MDN1: variants seen among roughly 807,000 people sequenced by gnomAD.
MDN1 encodes midasin.
A neutral mutation model predicts 669.2 loss-of-function variants in MDN1; 266 were observed. The ratio of observed to expected loss-of-function variants is 0.40; its 90% confidence interval spans 0.36 to 0.44. MDN1 has a LOEUF of 0.44. Ranked by LOEUF, MDN1 falls within the 20% of genes least tolerant of loss-of-function variation. The pLI, the probability that MDN1 is intolerant of heterozygous loss-of-function variation, is 1.00. For synonymous variants in MDN1, 2,385 were observed against 2,457.1 expected (o/e 0.97, Z 0.87); for missense variants, 5,940 against 6,754.0 (o/e 0.88, Z 4.22).
intron 85 of MDN1, among the ~76,000 whole-genome samples, chr6:89,663,986 G>A (rs1019111020): frequency 1.3e-5 from 2 of 151,020 alleles, no homozygotes; most frequent in Non-Finnish European, 2.9e-5. Context: ...ACTACAGAAC[G>A]GTATATGGTT....
chr6:89,776,135 G>A (rs1818343160), intron 12 of MDN1, among the ~76,000 whole-genome samples: 1 of 152,188 alleles, frequency 6.6e-6, no homozygotes, highest in South Asian at 2.1e-4. Context: ...AAACACTGAA[G>A]ACGACACAGG....
rs74503801 is a variant in MDN1 at position 89,737,627 on chromosome 6, T to C, written c.4723+699A>G. Among the ~76,000 whole-genome samples the C allele has an allele frequency of 3.7e-4, 57 of 152,188 alleles. 1 individual carries two copies. In the East Asian group the frequency reaches 0.01, roughly 28 times the overall value. On this transcript the variant is annotated intron_variant, in intron 33 of 101. Transcript: ENST00000369393. ...GATACTAATCTATTTTCCTTGTGCC[T>C]GAGATTTTTCATAATAAAAATTATT...
At chr6:89,791,593 C>T (rs555727916) in intron 5 of MDN1, among the ~76,000 whole-genome samples, 3 of 151,986 alleles carry the variant, frequency 2.0e-5, no homozygotes, top group East Asian at 3.9e-4. Context: ...GGAATATGTG[C>T]GACATTTTCT....
At chr6:89,802,136 CA>C (rs1161919672) in intron 2 of MDN1, among the ~76,000 whole-genome samples, 1 of 152,142 alleles carries the variant, frequency 6.6e-6, no homozygotes, top group Non-Finnish European at 1.5e-5. Flanking sequence ...ACCTAACTGA[CA>C]TATCAGAATA....
chr6:89,814,555 G>C lies in MDN1; in HGVS notation c.102+4951C>G, dbSNP rs1233638297. Among the ~76,000 whole-genome samples, 11 of 152,106 alleles carry C rather than the reference G, an allele frequency of 7.2e-5. No homozygotes were observed. In the East Asian group the frequency reaches 1.9e-3, roughly 27 times the overall value. On this transcript the variant is annotated intron_variant, in intron 1 of 101. Coordinates refer to ENST00000369393, the MANE Select transcript of MDN1 (RefSeq NM_014611.3). Reference sequence around the variant, plus strand: ...ATATAGCTTTGACAAATTTTGAAATGGCCCTGCAAAGTTGTCTCTTTAAGT... The same window carrying C: ...ATATAGCTTTGACAAATTTTGAAATCGCCCTGCAAAGTTGTCTCTTTAAGT...
intron 43 of MDN1, among the ~76,000 whole-genome samples, chr6:89,718,015 T>G (rs1169560213): frequency 6.6e-6 from 1 of 152,182 alleles, no homozygotes; most frequent in Non-Finnish European, 1.5e-5. Flanking sequence ...TCCTATGAAT[T>G]CAGACTCCTA....
intron 35 of MDN1, 146 bp from the exon 36 acceptor site, chr6:89,729,285 A>G (rs1189804424): frequency 2.4e-5 from 16 of 670,742 alleles, no homozygotes; most frequent in South Asian, 1.7e-4. Flanking sequence ...CCCTATTTCA[A>G]TATTTCCCCA....
intron 34 of MDN1, 121 bp downstream of exon 34, chr6:89,732,436 G>C (rs1199448621): frequency 1.2e-6 from 1 of 829,112 alleles, no homozygotes; most frequent in South Asian, 1.7e-5. Context: ...GCCATTCTGA[G>C]TTTTAGAAAT....
intron 77 of MDN1, 51 bp downstream of exon 77, chr6:89,676,051 G>C (rs371338240): frequency 1.3e-6 from 2 of 1,548,642 alleles, no homozygotes; most frequent in Non-Finnish European, 1.8e-6. Flanking sequence ...GGGATGAACA[G>C]AACAAGGGCT....
In MDN1 at chr6:89,712,102, T is replaced by C; in HGVS notation, c.7585A>G (p.Asn2529Asp). ...TTAACTCTGAGCATCCAATCCTGATTGGTTGCTCTTTCTATGAGCAATTTA... is the reference window on the plus strand; with the variant it reads ...TTAACTCTGAGCATCCAATCCTGATCGGTTGCTCTTTCTATGAGCAATTTA... ...AVKLLIERATNQDWMLRVKWL... is the reference protein window; with the variant it reads ...AVKLLIERATDQDWMLRVKWL... Residue 2529 changes from asparagine to aspartate, a missense_variant, in exon 49 of 102, where the codon AAT becomes GAT. By Grantham distance (23) the Asn-to-Asp change is conservative. This residue lies in a region of MDN1 where 2,292 missense variants were observed against 2,638.3 expected (regional missense o/e 0.87). Coordinates refer to ENST00000369393, the MANE Select transcript of MDN1 (RefSeq NM_014611.3). 3 of 1,614,156 alleles carry C rather than the reference T, an allele frequency of 1.9e-6. No individual in the cohort carries two copies. The highest frequency in any genetic ancestry group is 1.7e-5 in the Admixed American group (1 of 60,028).
chr6:89,743,290 G>GA lies in MDN1; in HGVS notation c.4318-11dup. Reference sequence around the variant, plus strand: ...ATGTGTCAATTTCTTCCTATAATTTGAAAAAGTGGGGAAAATTAAAGGGCA... The same window carrying GA: ...ATGTGTCAATTTCTTCCTATAATTTGAAAAAAGTGGGGAAAATTAAAGGGCA... On this transcript the variant is annotated splice_polypyrimidine_tract_variant and intron_variant, in intron 30 of 101. Transcript: ENST00000369393. The GA allele has an allele frequency of 6.2e-7, 1 of 1,613,260 alleles. No homozygotes were observed. The highest frequency in any genetic ancestry group is 2.2e-5 in the East Asian group (1 of 44,880).
At chr6:89,699,105 C>T in intron 58 of MDN1, 70 bp from the exon 59 acceptor site, 3 of 1,338,450 alleles carry the variant, frequency 2.2e-6, no homozygotes, top group Non-Finnish European at 3.1e-6. Context: ...GGTCTTCTTT[C>T]TTCTAAGGCC....
At position 89,655,927 on chromosome 6, in the gene MDN1, G is replaced by T. The variant is rs781457716; in HGVS notation, c.15327C>A (p.Ser5109=). 1 of 1,614,012 alleles carries T rather than the reference G, an allele frequency of 6.2e-7. No homozygotes were observed. The highest frequency in any genetic ancestry group is 8.5e-7 in the Non-Finnish European group (1 of 1,180,016). Residue 5109 remains serine, a synonymous_variant, in exon 92 of 102, where the codon TCC becomes TCA. Transcript: ENST00000369393. Reference sequence around the variant, plus strand: ...GCACACGCTCATTGTGATCACCCATGGAACGTTCATTGTCAGCCTGCCCAG... The same window carrying T: ...GCACACGCTCATTGTGATCACCCATTGAACGTTCATTGTCAGCCTGCCCAG... ...RKPGQADNER[S]MGDHNERVHK...
intron 32 of MDN1, 45 bp downstream of exon 32, chr6:89,740,189 T>G (rs1206045993): frequency 1.9e-6 from 3 of 1,599,444 alleles, no homozygotes; most frequent in Admixed American, 3.5e-5. Context: ...ACCAGTAAGC[T>G]GAGGTCAAAA....
rs537276156 is a variant in MDN1, at chr6:89,680,047, G to A, written c.12265+542C>T. 5.3e-5 allele frequency among the ~76,000 whole-genome samples: 8 copies of A among 152,322 alleles called. No homozygotes were observed. The East Asian group carries it at 1.5e-3, about 29-fold the overall frequency. On this transcript the variant is annotated intron_variant, in intron 74 of 101. Transcript: ENST00000369393. ...CTCACTGCAGTTGGGGGGTAGATGG[G>A]GTGAAGGAGGTAGTCAGAGGCTGCC...
intron 67 of MDN1, among the ~76,000 whole-genome samples, 183 bp downstream of exon 67, chr6:89,687,895 T>C (rs572971140): frequency 6.6e-6 from 1 of 152,332 alleles, no homozygotes; most frequent in African/African-American, 2.4e-5. Context: ...GCAAGGCAGC[T>C]AGCCCTCACC....
At chr6:89,658,482 A>C (rs1218447903) in intron 89 of MDN1, 112 bp from the exon 90 acceptor site, 1 of 1,539,130 alleles carries the variant, frequency 6.5e-7, no homozygotes, top group Non-Finnish European at 8.8e-7. Context: ...TTAAAACAGA[A>C]ACCTAGAACT....
At chr6:89,737,308 T>C (rs2128316288) in intron 33 of MDN1, among the ~76,000 whole-genome samples, 1 of 152,344 alleles carries the variant, frequency 6.6e-6, no homozygotes, top group East Asian at 1.9e-4. Context: ...ACAGCTACTC[T>C]ACTCATTTTA....
At chr6:89,708,387 C>G (rs1050769611) in intron 51 of MDN1, 109 bp downstream of exon 51, 18 of 1,352,702 alleles carry the variant, frequency 1.3e-5, no homozygotes, top group Non-Finnish European at 1.8e-5. Context: ...CACAACTTCT[C>G]AGGTTCACAA....
Sources: allele counts gnomAD v4.1 joint callset (sites outside exome capture counted in the v4.1 genomes callset), GRCh38; gene constraint gnomAD v4.1.1; regional missense constraint gnomAD v4.1.1; transcripts MANE v1.5; gene names NCBI Gene and HGNC (gene_info 2026-07-23, HGNC 2026-07-21).